Variants in ZBTB20 observed in about 807,000 individuals in gnomAD.
The protein encoded by ZBTB20 is zinc finger and BTB domain-containing protein 20.
In ZBTB20, 9 loss-of-function variants were observed where a neutral mutation model predicts 56.9. That is an observed-to-expected ratio of 0.16 (90% CI 0.10 to 0.28). The LOEUF is 0.28. ZBTB20 is among the 10% of genes least tolerant of loss of function. The probability of loss-of-function intolerance (pLI) is 1.00; values close to 1 mark genes in which losing one functional copy is unlikely to be tolerated. For missense variants in ZBTB20, 655 were observed against 1,003.0 expected (o/e 0.65, Z 4.69); for synonymous variants, 417 against 420.7 (o/e 0.99, Z 0.11).
intron 5 of ZBTB20, among the ~76,000 whole-genome samples, chr3:114,742,766 A>G (rs72954578): frequency 0.023 from 3,442 of 152,234 alleles, 138 homozygotes; most frequent in African/African-American, 0.076. Flanking sequence ...AGCTTTTAAA[A>G]CCTACTGATA....
At chr3:115,113,507 G>A (rs6787503) in intron 1 of ZBTB20, among the ~76,000 whole-genome samples, 1 of 152,076 alleles carries the variant, frequency 6.6e-6, no homozygotes, top group East Asian at 1.9e-4. Context: ...CTCCAACAGG[G>A]TCTGCAGCAC....
At chr3:114,684,750 T>C (rs980116450) in intron 6 of ZBTB20, 3 of 152,144 alleles carry the variant, frequency 2.0e-5, no homozygotes, top group East Asian at 3.9e-4. Context: ...AAACCCCTCA[T>C]TCCTCTAATG....
intron 6 of ZBTB20, among the ~76,000 whole-genome samples, chr3:114,515,707 G>A (rs973659248): frequency 1.3e-5 from 2 of 152,018 alleles, no homozygotes; most frequent in East Asian, 1.9e-4. Flanking sequence ...CAATGAATCC[G>A]CCTGTAACAT....
chr3:115,056,243 T>C (rs1379177125), intron 2 of ZBTB20, among the ~76,000 whole-genome samples: 3 of 151,934 alleles, frequency 2.0e-5, no homozygotes, highest in Non-Finnish European at 4.4e-5. Context: ...GCTCAAAAAA[T>C]AAAGGAAATA....
At chr3:114,793,249 T>C (rs2071097262) in intron 5 of ZBTB20, among the ~76,000 whole-genome samples, 1 of 152,130 alleles carries the variant, frequency 6.6e-6, no homozygotes, top group Non-Finnish European at 1.5e-5. Flanking sequence ...CTGATCACAC[T>C]ATAAGGCTTT....
intron 3 of ZBTB20, among the ~76,000 whole-genome samples, chr3:114,918,938 C>A (rs191726832): frequency 3.3e-5 from 5 of 152,276 alleles, no homozygotes; most frequent in Admixed American, 3.3e-4. Context: ...CTAGGACTTG[C>A]CTAGGAGTTG....
At chr3:114,484,449 G>A (rs553093787) in intron 7 of ZBTB20, among the ~76,000 whole-genome samples, 1 of 152,144 alleles carries the variant, frequency 6.6e-6, no homozygotes, top group Non-Finnish European at 1.5e-5. Flanking sequence ...CAAGCTCTTC[G>A]AGGGCTCTGT....
chr3:114,806,431 T>C (rs879703360), intron 4 of ZBTB20, among the ~76,000 whole-genome samples: 1 of 152,010 alleles, frequency 6.6e-6, no homozygotes, highest in Non-Finnish European at 1.5e-5. Flanking sequence ...GCCCAGTTTT[T>C]AGCTGGGTTG....
intron 1 of ZBTB20, among the ~76,000 whole-genome samples, chr3:115,105,285 A>G (rs2083688458): frequency 6.8e-6 from 1 of 146,510 alleles, no homozygotes; most frequent in Non-Finnish European, 1.5e-5. Flanking sequence ...CCTAACAATT[A>G]CCCTATAATG....
intron 6 of ZBTB20, among the ~76,000 whole-genome samples, chr3:114,624,450 G>A (rs561133303): frequency 1.3e-5 from 2 of 151,344 alleles, no homozygotes; most frequent in African/African-American, 4.8e-5. Flanking sequence ...ATGCAGCCAT[G>A]TCTCCTGAAA....
At chr3:115,034,004 A>C (rs944060416) in intron 2 of ZBTB20, among the ~76,000 whole-genome samples, 1 of 151,798 alleles carries the variant, frequency 6.6e-6, no homozygotes, top group Non-Finnish European at 1.5e-5. Flanking sequence ...AAAAAACAAT[A>C]ATCTTGATTA....
At chr3:115,058,251 A>G in intron 2 of ZBTB20, among the ~76,000 whole-genome samples, 1 of 152,134 alleles carries the variant, frequency 6.6e-6, no homozygotes, top group Non-Finnish European at 1.5e-5. Context: ...GAAGTATTTA[A>G]TATTTGTGTC....
At chr3:115,021,252 T>TGA (rs1307209588) in intron 2 of ZBTB20, among the ~76,000 whole-genome samples, 1 of 150,936 alleles carries the variant, frequency 6.6e-6, no homozygotes, top group Non-Finnish European at 1.5e-5. Flanking sequence ...AATTTTGGAT[T>TGA]TAGTCAGCTT....
chr3:114,564,864 G>A (rs2052530051), intron 6 of ZBTB20, among the ~76,000 whole-genome samples: 2 of 152,176 alleles, frequency 1.3e-5, no homozygotes, highest in Non-Finnish European at 2.9e-5. Context: ...CGTTGCAGGT[G>A]TTAACACCAA....
At chr3:114,409,778 G>T (rs1465921516) in intron 7 of ZBTB20, among the ~76,000 whole-genome samples, 1 of 152,154 alleles carries the variant, frequency 6.6e-6, no homozygotes, top group South Asian at 2.1e-4. Flanking sequence ...GCCTCAGAAA[G>T]ATGCTTCTTA....
chr3:115,061,818 A>G (rs1189593047), intron 2 of ZBTB20, among the ~76,000 whole-genome samples: 2 of 152,220 alleles, frequency 1.3e-5, no homozygotes, highest in Non-Finnish European at 2.9e-5. Flanking sequence ...TATGAACAGT[A>G]AAAGTCAATT....
At chr3:114,583,378 T>C (rs894676116) in intron 6 of ZBTB20, among the ~76,000 whole-genome samples, 1 of 152,222 alleles carries the variant, frequency 6.6e-6, no homozygotes, top group Non-Finnish European at 1.5e-5. Flanking sequence ...AATGGACTTT[T>C]TTCTCATGTA....
At chr3:114,853,221 G>C (rs1207374627) in intron 4 of ZBTB20, among the ~76,000 whole-genome samples, 1 of 152,112 alleles carries the variant, frequency 6.6e-6, no homozygotes, top group African/African-American at 2.4e-5. Context: ...CCCTTCTGCA[G>C]ACCACCTATA....
At chr3:114,504,054 A>G (rs2044309133) in intron 6 of ZBTB20, among the ~76,000 whole-genome samples, 1 of 152,068 alleles carries the variant, frequency 6.6e-6, no homozygotes, top group African/African-American at 2.4e-5. Context: ...CCCTCTTTCA[A>G]TCCCATAGCT....
Sources: gnomAD v4.1 joint callset for allele counts (sites outside exome capture counted in the v4.1 genomes callset) on GRCh38, gnomAD v4.1.1 for gene constraint, MANE v1.5 for transcripts, NCBI Gene and HGNC (gene_info 2026-07-23, HGNC 2026-07-21) for gene names.